PUS7: variants seen among roughly 807,000 people sequenced by gnomAD.
The protein encoded by PUS7 is pseudouridine synthase 7.
A neutral mutation model predicts 79.8 loss-of-function variants in PUS7; 48 were observed. The ratio of observed to expected loss-of-function variants is 0.60; its 90% confidence interval spans 0.48 to 0.76. PUS7 has a LOEUF of 0.76. Among genes scored for constraint, PUS7 ranks in the 30% least tolerant of loss-of-function variants. The probability of loss-of-function intolerance (pLI) is 0.00; values close to 1 mark genes in which losing one functional copy is unlikely to be tolerated. For synonymous variants in PUS7, 286 were observed against 272.2 expected (o/e 1.05, Z -0.50); for missense variants, 729 against 797.6 (o/e 0.91, Z 1.04).
At chr7:105,490,810 C>CA (rs1010139288) in intron 7 of PUS7, among the ~76,000 whole-genome samples, 2 of 152,164 alleles carry the variant, frequency 1.3e-5, no homozygotes, top group African/African-American at 4.8e-5. Context: ...CAGTGGTTCC[C>CA]AATCGGGGGC....
rs763892989 is a variant in PUS7, at chr7:105,495,525, G to A, written c.731-272C>T. On this transcript the variant is annotated intron_variant, in intron 5 of 15. Transcript: ENST00000469408. Reference sequence around the variant, plus strand: ...TCTCAGGACTTTGGGAGGCCAAGGCGGGCAAGATGGCTTGAGCTCAGGAGT... The same window carrying A: ...TCTCAGGACTTTGGGAGGCCAAGGCAGGCAAGATGGCTTGAGCTCAGGAGT... Among the ~76,000 whole-genome samples the A allele has an allele frequency of 7.3e-5, 11 of 151,466 alleles. 1 individual carries two copies. Among genetic ancestry groups the A allele is most frequent in the African/African-American group, 2.7e-4 (11 of 41,444 alleles).
intron 14 of PUS7, 134 bp downstream of exon 14, chr7:105,462,487 T>A (rs1466388938): frequency 6.1e-6 from 6 of 986,890 alleles, no homozygotes; most frequent in Non-Finnish European, 9.0e-6. Context: ...TATAATCTTA[T>A]GATACCACCA....
At chr7:105,503,063 A>G (rs79045705) in intron 4 of PUS7, among the ~76,000 whole-genome samples, 6,769 of 152,314 alleles carry the variant, frequency 0.044, 214 homozygotes, top group South Asian at 0.12. Flanking sequence ...GAGCACATCC[A>G]TCTGCCAGAC....
intron 4 of PUS7, among the ~76,000 whole-genome samples, chr7:105,505,155 C>CAT: frequency 1.3e-5 from 2 of 151,768 alleles, no homozygotes; most frequent in East Asian, 3.9e-4. Context: ...CCTGCGCTAC[C>CAT]ACGCTTGGCT....
chr7:105,473,414 A>AT (rs1823955194), intron 9 of PUS7, among the ~76,000 whole-genome samples: 3 of 139,470 alleles, frequency 2.2e-5, no homozygotes, highest in Admixed American at 1.4e-4. Context: ...ATGCCTGCCT[A>AT]ATTTTTTTTT....
At chr7:105,482,538 C>T in intron 7 of PUS7, 98 bp from the exon 8 acceptor site, 14 of 1,290,624 alleles carry the variant, frequency 1.1e-5, no homozygotes, top group Non-Finnish European at 1.3e-5. Flanking sequence ...AAACAAGATA[C>T]AGCACACCTA....
At chr7:105,468,119 A>G (rs1028105988) in intron 12 of PUS7, among the ~76,000 whole-genome samples, 2 of 152,086 alleles carry the variant, frequency 1.3e-5, no homozygotes, top group Admixed American at 1.3e-4. Context: ...TTTCAGTAGA[A>G]ACAGGGTTTC....
At chr7:105,467,843 C>T (rs1300630857) in intron 12 of PUS7, among the ~76,000 whole-genome samples, 1 of 151,878 alleles carries the variant, frequency 6.6e-6, no homozygotes, top group Non-Finnish European at 1.5e-5. Flanking sequence ...GAGGTGCTTA[C>T]TCAAACCAGA....
intron 1 of PUS7, among the ~76,000 whole-genome samples, chr7:105,520,843 G>T (rs1826081428): frequency 6.6e-6 from 1 of 152,006 alleles, no homozygotes; most frequent in Non-Finnish European, 1.5e-5. Context: ...TTTGAGGCCA[G>T]GCTGGGCAAC....
At chr7:105,499,861 C>T (rs1825179343) in intron 5 of PUS7, among the ~76,000 whole-genome samples, 1 of 152,180 alleles carries the variant, frequency 6.6e-6, no homozygotes, top group African/African-American at 2.4e-5. Flanking sequence ...CTAAATCATT[C>T]AAATGCTAGG....
rs141815847 is a variant in PUS7, at chr7:105,481,074, C to T, written c.1153G>A (p.Val385Ile). The T allele has an allele frequency of 1.2e-4, 199 of 1,611,528 alleles. No homozygotes were observed. The highest frequency in any genetic ancestry group is 1.6e-4 in the Non-Finnish European group (189 of 1,178,836). Residue 385 changes from valine to isoleucine, a missense_variant, in exon 9 of 16, where the codon GTC becomes ATC. Physicochemically the swap from Val to Ile is conservative, Grantham distance 29. Coordinates refer to ENST00000469408, the MANE Select transcript of PUS7 (RefSeq NM_019042.5). ...YGMQRFGTTA[V>I]PTYQVGRAIL... The stretch of plus-strand genomic sequence containing the variant: ...AACCTTCCAACCTGATACGTAGGGA[C>T]AGCTGTGGTTCCAAATCTTTGCATT...
intron 5 of PUS7, among the ~76,000 whole-genome samples, chr7:105,500,972 T>C (rs1299706913): frequency 6.6e-6 from 1 of 152,230 alleles, no homozygotes; most frequent in Admixed American, 6.5e-5. Flanking sequence ...CATCTGGCTT[T>C]TCTTTACAGT....
At chr7:105,481,956 T>C (rs1330092165) in intron 8 of PUS7, among the ~76,000 whole-genome samples, 1 of 152,192 alleles carries the variant, frequency 6.6e-6, no homozygotes, top group Non-Finnish European at 1.5e-5. Context: ...GGTCTCGATC[T>C]CCTGACCTTG....
chr7:105,504,086 T>TTTTTTTTA (rs1825360334), intron 4 of PUS7, among the ~76,000 whole-genome samples: 1 of 151,310 alleles, frequency 6.6e-6, no homozygotes, highest in African/African-American at 2.4e-5. Flanking sequence ...TTTTTTTTTT[T>TTTTTTTTA]GAGACACAGT....
intron 6 of PUS7, among the ~76,000 whole-genome samples, chr7:105,493,591 G>A (rs1019034798): frequency 1.3e-5 from 2 of 152,208 alleles, no homozygotes; most frequent in Admixed American, 6.5e-5. Context: ...GAATGTGACT[G>A]TATTTGGAGA....
At position 105,465,429 on chromosome 7, in the gene PUS7, G is replaced by C; in HGVS notation, c.1526-15C>G. 6.4e-7 allele frequency: 1 copy of C among 1,550,448 alleles called. No homozygotes were observed. The highest frequency in any genetic ancestry group is 8.9e-7 in the Non-Finnish European group (1 of 1,125,904). ...GGTGGCTGTGGCTGTAAATTCACAA[G>C]TGAACAATAAATTAAGAAAATAGGC... On this transcript the variant is annotated splice_polypyrimidine_tract_variant and intron_variant, in intron 12 of 15. Transcript: ENST00000469408.
intron 5 of PUS7, among the ~76,000 whole-genome samples, chr7:105,496,253 A>G (rs1305814201): frequency 8.0e-4 from 20 of 25,038 alleles, no homozygotes; most frequent in African/African-American, 3.9e-3. Context: ...AGAGAGAGAG[A>G]GGGAGAGACA....
intron 5 of PUS7, among the ~76,000 whole-genome samples, chr7:105,496,246 G>GAGAA (rs1825027588): frequency 3.7e-5 from 1 of 27,008 alleles, no homozygotes; most frequent in Non-Finnish European, 6.5e-5. Flanking sequence ...GAGAGAGAGA[G>GAGAA]AGAGAGAGGG....
chr7:105,520,028 A>G (rs1586193728), intron 1 of PUS7, among the ~76,000 whole-genome samples: 1 of 152,346 alleles, frequency 6.6e-6, no homozygotes, highest in African/African-American at 2.4e-5. Context: ...GCCTCTATCA[A>G]AAGACACGTT....
Sources: allele counts gnomAD v4.1 joint callset (sites outside exome capture counted in the v4.1 genomes callset), GRCh38; gene constraint gnomAD v4.1.1; transcripts MANE v1.5; gene names NCBI Gene and HGNC (gene_info 2026-07-23, HGNC 2026-07-21).